TMPRSS12: variants seen among roughly 807,000 people sequenced by gnomAD.
The protein encoded by TMPRSS12 is transmembrane protease serine 12.
In TMPRSS12, 25 loss-of-function variants were observed where a neutral mutation model predicts 26.0. The observed-to-expected ratio is 0.96, with a 90% CI of 0.70 to 1.34. The LOEUF (loss-of-function observed/expected upper bound fraction) is 1.34. TMPRSS12 is among the 40% of genes most tolerant of loss of function. The pLI is 0.00. For synonymous variants in TMPRSS12, 150 were observed against 161.7 expected, an observed-to-expected ratio of 0.93 and a Z score of 0.55; for missense variants, 441 against 440.1, an observed-to-expected ratio of 1.00 and a Z score of -0.02.
intron 2 of TMPRSS12, 49 bp from the exon 3 acceptor site, chr12:50,858,736 A>C (rs1937904811): frequency 5.1e-6 from 7 of 1,363,684 alleles, no homozygotes; most frequent in Middle Eastern, 2.7e-4. Flanking sequence ...AAGAATATGT[A>C]CTTAGTTAAT....
chr12:50,883,589 G>T (rs1369496638), intron 3 of TMPRSS12, among the ~76,000 whole-genome samples: 1 of 152,112 alleles, frequency 6.6e-6, no homozygotes, highest in Non-Finnish European at 1.5e-5. Context: ...AAACTAAGGA[G>T]GGAGGATTAC....
chr12:50,855,939 G>A (rs1288245332), intron 2 of TMPRSS12, among the ~76,000 whole-genome samples: 3 of 152,164 alleles, frequency 2.0e-5, no homozygotes, highest in Admixed American at 6.5e-5. Context: ...ATTACCCTAA[G>A]TAAATTAATA....
intron 2 of TMPRSS12, among the ~76,000 whole-genome samples, chr12:50,850,685 C>T (rs1937817833): frequency 1.3e-5 from 2 of 152,234 alleles, no homozygotes; most frequent in Admixed American, 1.3e-4. Context: ...ACTTCCACCA[C>T]CAGTGCACAC....
intron 2 of TMPRSS12, among the ~76,000 whole-genome samples, chr12:50,849,352 T>C (rs1274955581): frequency 6.6e-6 from 1 of 152,216 alleles, no homozygotes; most frequent in Non-Finnish European, 1.5e-5. Flanking sequence ...CTTTTCTCAG[T>C]TTTCTCACTT....
intron 4 of TMPRSS12, chr12:50,886,788 T>G (rs1206111041): frequency 6.5e-6 from 1 of 154,904 alleles, no homozygotes; most frequent in Non-Finnish European, 1.4e-5. Context: ...AAACTTGTCT[T>G]CTATTGCAAG....
rs189891091 is a variant in TMPRSS12 at position 50,854,330 on chromosome 12, C to T, written c.384-4455C>T. The stretch of plus-strand genomic sequence containing the variant: ...CATACCTCAAAATAATAAGAGCCAT[C>T]TATGACAAACCCTCAGCCAATATCA... On this transcript the variant is annotated intron_variant, in intron 2 of 4. Coordinates refer to ENST00000398458, the MANE Select transcript of TMPRSS12 (RefSeq NM_182559.3). Among the ~76,000 whole-genome samples, 195 of 152,210 alleles carry T rather than the reference C, an allele frequency of 1.3e-3. 1 individual carries two copies. Among genetic ancestry groups the T allele is most frequent in the African/African-American group, 4.4e-3 (182 of 41,546 alleles).
At chr12:50,847,056 A>AC (rs1555205379) in intron 2 of TMPRSS12, among the ~76,000 whole-genome samples, 2 of 81,508 alleles carry the variant, frequency 2.5e-5, no homozygotes, top group East Asian at 8.1e-4. Flanking sequence ...CAGTCTAAAA[A>AC]CTTTTTTTTT....
At chr12:50,880,432 G>A (rs950794292) in intron 3 of TMPRSS12, among the ~76,000 whole-genome samples, 2 of 152,124 alleles carry the variant, frequency 1.3e-5, no homozygotes, top group African/African-American at 4.8e-5. Context: ...TCAATGAGAT[G>A]CCACTATGCA....
chr12:50,879,536 T>C (rs948411973), intron 3 of TMPRSS12, among the ~76,000 whole-genome samples: 2 of 152,200 alleles, frequency 1.3e-5, no homozygotes, highest in Non-Finnish European at 2.9e-5. Context: ...CAATATGATA[T>C]TAGTAATTTT....
chr12:50,876,803 C>CAAA (rs35311314), intron 3 of TMPRSS12, among the ~76,000 whole-genome samples: 24,607 of 74,962 alleles, frequency 0.33, 4,661 homozygotes, highest in Non-Finnish European at 0.41. Context: ...GACTCTGTCT[C>CAAA]AAAAAAAAAA....
At chr12:50,847,004 C>CA (rs533581364) in intron 2 of TMPRSS12, among the ~76,000 whole-genome samples, 22,296 of 124,778 alleles carry the variant, frequency 0.18, 2,960 homozygotes, top group African/African-American at 0.4. Flanking sequence ...TCTGTTTCTG[C>CA]AAAAAAAAAA....
chr12:50,864,205 G>C (rs868072407), intron 3 of TMPRSS12, among the ~76,000 whole-genome samples: 10 of 152,114 alleles, frequency 6.6e-5, no homozygotes, highest in Middle Eastern at 3.2e-3. Context: ...GTTTAAAACA[G>C]GTTCTAGCTT....
At chr12:50,880,064 A>G (rs1938149469) in intron 3 of TMPRSS12, among the ~76,000 whole-genome samples, 1 of 152,242 alleles carries the variant, frequency 6.6e-6, no homozygotes, top group African/African-American at 2.4e-5. Context: ...AACACATTTC[A>G]CCAAGGTAGG....
intron 3 of TMPRSS12, among the ~76,000 whole-genome samples, chr12:50,878,424 T>TAA (rs59960784): frequency 1.5e-4 from 23 of 150,184 alleles, no homozygotes; most frequent in East Asian, 3.9e-4. Flanking sequence ...TCTGCAAAAA[T>TAA]AAAAAAAAAC....
chr12:50,875,489 C>CAA lies in TMPRSS12; in HGVS notation c.653-9740_653-9739dup, dbSNP rs56816598. On this transcript the variant is annotated intron_variant, in intron 3 of 4. Transcript: ENST00000398458. ...TGGGCGACAGAGCAAGACTCCATCT[C>CAA]AAAAAAAAAAAAAAAAAAGACTACA... 6.8e-4 allele frequency among the ~76,000 whole-genome samples: 47 copies of CAA among 69,464 alleles called. 1 individual carries two copies. The highest frequency in any genetic ancestry group is 6.3e-3 in the East Asian group (13 of 2,054). 45.6% of individuals were successfully genotyped at this position (69,464 alleles called of 152,430 possible).
intron 3 of TMPRSS12, among the ~76,000 whole-genome samples, chr12:50,866,727 T>C (rs1937994365): frequency 6.6e-6 from 1 of 152,094 alleles, no homozygotes; most frequent in African/African-American, 2.4e-5. Context: ...ACAGAGTCCA[T>C]TTCAACCCCC....
chr12:50,866,450 C>T (rs1937991656), intron 3 of TMPRSS12, among the ~76,000 whole-genome samples: 1 of 152,070 alleles, frequency 6.6e-6, no homozygotes, highest in Admixed American at 6.6e-5. Flanking sequence ...CACCTCACCC[C>T]CATCCCTCAC....
At chr12:50,854,930 C>G (rs190162007) in intron 2 of TMPRSS12, among the ~76,000 whole-genome samples, 1 of 152,104 alleles carries the variant, frequency 6.6e-6, no homozygotes, top group Admixed American at 6.6e-5. Context: ...GTCAAATTAC[C>G]GACAACATTT....
At chr12:50,873,333 T>G (rs760591602) in intron 3 of TMPRSS12, among the ~76,000 whole-genome samples, 1 of 151,816 alleles carries the variant, frequency 6.6e-6, no homozygotes, top group Non-Finnish European at 1.5e-5. Context: ...CAATAACCTA[T>G]GGAAAAATAA....
Sources: allele counts gnomAD v4.1 joint callset (sites outside exome capture counted in the v4.1 genomes callset), GRCh38; gene constraint gnomAD v4.1.1; transcripts MANE v1.5; gene names NCBI Gene and HGNC (gene_info 2026-07-23, HGNC 2026-07-21).